Variants in LAMA2 observed in about 807,000 individuals in gnomAD.
LAMA2 encodes laminin subunit alpha 2.
Under a neutral mutation model 364.8 loss-of-function variants are expected in LAMA2, and 269 were observed. That is an observed-to-expected ratio of 0.74 (90% CI 0.67 to 0.82). The LOEUF (loss-of-function observed/expected upper bound fraction) is 0.82. LAMA2 is among the 40% of genes least tolerant of loss of function. The pLI is 0.00. For synonymous variants in LAMA2, 1,379 were observed against 1,370.6 expected, an observed-to-expected ratio of 1.01 and a Z score of -0.14; for missense variants, 3,807 against 3,873.2, an observed-to-expected ratio of 0.98 and a Z score of 0.45.
intron 3 of LAMA2, among the ~76,000 whole-genome samples, chr6:129,097,421 A>G (rs1775252990): frequency 6.6e-6 from 1 of 152,228 alleles, no homozygotes; most frequent in Non-Finnish European, 1.5e-5. Context: ...ATAAATTTGT[A>G]AATAGAGCAT....
At chr6:129,229,392 G>A (rs975576931) in intron 12 of LAMA2, among the ~76,000 whole-genome samples, 3 of 152,158 alleles carry the variant, frequency 2.0e-5, no homozygotes, top group African/African-American at 4.8e-5. Context: ...AATGTGGCTG[G>A]CATGTTCAAA....
At chr6:129,061,829 CAT>C (rs1670561046) in intron 3 of LAMA2, among the ~76,000 whole-genome samples, 1 of 152,184 alleles carries the variant, frequency 6.6e-6, no homozygotes, top group African/African-American at 2.4e-5. Context: ...TGGTACAGAG[CAT>C]ATGTGTTCAA....
chr6:129,184,738 G>A (rs1357579815), intron 10 of LAMA2, among the ~76,000 whole-genome samples: 1 of 151,792 alleles, frequency 6.6e-6, no homozygotes, highest in Non-Finnish European at 1.5e-5. Flanking sequence ...TATTGGGAAT[G>A]GAGGCTAGTT....
intron 55 of LAMA2, 46 bp downstream of exon 55, chr6:129,481,485 T>A: frequency 6.9e-7 from 1 of 1,450,280 alleles, no homozygotes; most frequent in Non-Finnish European, 9.7e-7. Context: ...AATGCTTATA[T>A]AAAGCAGTTA....
chr6:129,071,540 G>A (rs538625271), intron 3 of LAMA2, among the ~76,000 whole-genome samples: 6 of 151,602 alleles, frequency 4.0e-5, no homozygotes, highest in South Asian at 2.1e-4. Context: ...ATTTATTAAC[G>A]CCTACAATTT....
rs141000104 is a variant in LAMA2, at chr6:129,328,280, A to G, written c.4179A>G (p.Ala1393=). ...TAATTGGCTTCCTTTTCTTTCAGGC[A>G]TGCTTGCCGGGATTTTATCGACTGC... The part of the protein sequence containing the change: ...PLGYSGLSCE[A]CLPGFYRLRS... Residue 1393 remains alanine (A), a splice_region_variant and synonymous_variant, in exon 29 of 65, where the codon GCA becomes GCG. Transcript: ENST00000421865. The G allele has an allele frequency of 3.1e-6, 5 of 1,614,014 alleles. No homozygotes were observed. Among genetic ancestry groups the G allele is most frequent in the African/African-American group, 1.3e-5 (1 of 74,924 alleles).
At chr6:129,477,805 C>T (rs888643645) in intron 53 of LAMA2, among the ~76,000 whole-genome samples, 4 of 152,040 alleles carry the variant, frequency 2.6e-5, no homozygotes, top group East Asian at 3.9e-4. Context: ...TATTTTGAGA[C>T]AGGGATCTCA....
chr6:129,174,532 G>A (rs917572504), intron 9 of LAMA2, among the ~76,000 whole-genome samples: 12 of 151,624 alleles, frequency 7.9e-5, no homozygotes, highest in Non-Finnish European at 1.2e-4. Context: ...GGATGTATGC[G>A]TGCATATGTA....
chr6:129,292,901 T>C (rs1362045628), intron 20 of LAMA2: 1 of 985,758 alleles, frequency 1.0e-6, no homozygotes, highest in Non-Finnish European at 1.2e-6. Flanking sequence ...CAGGAAGATG[T>C]GTCTGTAAAT....
chr6:128,958,921 T>C (rs1781311225), intron 1 of LAMA2, among the ~76,000 whole-genome samples: 1 of 152,200 alleles, frequency 6.6e-6, no homozygotes, highest in Non-Finnish European at 1.5e-5. Context: ...TATCTCTTCC[T>C]TTCCTAGTAT....
intron 62 of LAMA2, among the ~76,000 whole-genome samples, chr6:129,511,336 C>T (rs1236969582): frequency 2.0e-5 from 3 of 152,108 alleles, no homozygotes; most frequent in Non-Finnish European, 4.4e-5. Context: ...CCTTACTTCT[C>T]CCTTTCTGTT....
At chr6:129,433,177 G>A (rs1781681677) in intron 41 of LAMA2, among the ~76,000 whole-genome samples, 3 of 152,150 alleles carry the variant, frequency 2.0e-5, no homozygotes, top group Non-Finnish European at 4.4e-5. Context: ...TAAAGGTTCA[G>A]GAAATGATAC....
intron 20 of LAMA2, among the ~76,000 whole-genome samples, chr6:129,293,238 C>T (rs762534053): frequency 3.3e-5 from 5 of 152,168 alleles, no homozygotes; most frequent in South Asian, 4.1e-4. Context: ...AATAACCATC[C>T]GTATGCTTTA....
At chr6:129,094,837 A>G (rs868399794) in intron 3 of LAMA2, among the ~76,000 whole-genome samples, 19 of 152,224 alleles carry the variant, frequency 1.2e-4, no homozygotes, top group African/African-American at 4.6e-4. Flanking sequence ...AAAAGAAACA[A>G]TGGATAACAG....
At chr6:129,497,893 A>G (rs558397496) in intron 58 of LAMA2, among the ~76,000 whole-genome samples, 1 of 152,316 alleles carries the variant, frequency 6.6e-6, no homozygotes, top group South Asian at 2.1e-4. Context: ...TCTTCTCTTT[A>G]TACTTCTCTC....
intron 1 of LAMA2, among the ~76,000 whole-genome samples, chr6:129,046,619 A>C (rs891152569): frequency 3.9e-5 from 6 of 152,304 alleles, no homozygotes; most frequent in Admixed American, 3.9e-4. Flanking sequence ...CAGCCAAACC[A>C]TATCCACCAT....
rs1279775289 is a variant in LAMA2 at position 129,505,323 on chromosome 6, C to G, written c.8671C>G (p.Pro2891Ala). The G allele has an allele frequency of 5.0e-6, 8 of 1,613,696 alleles. 1 individual carries two copies. Among genetic ancestry groups the G allele is most frequent in the Non-Finnish European group, 6.8e-6 (8 of 1,179,746 alleles). ...GGGAATGCTGTATGTTGGTGGGTTA[C>G]CCATCAACTACACTACCCGAAGAAT... is the stretch of plus-strand genomic sequence containing the variant. ...VVGMLYVGGLPINYTTRRIGP... is the reference protein window; with the variant it reads ...VVGMLYVGGLAINYTTRRIGP... Residue 2891 changes from proline (P) to alanine (A), a missense_variant, in exon 61 of 65, where the codon CCC becomes GCC. Around this residue, in one of 3 missense-constraint regions of LAMA2, gnomAD observed 3,333 missense variants for 3,345.7 expected, o/e 1.00. Coordinates refer to ENST00000421865, the MANE Select transcript of LAMA2 (RefSeq NM_000426.4).
At chr6:129,028,676 A>T (rs1786007240) in intron 1 of LAMA2, among the ~76,000 whole-genome samples, 1 of 151,884 alleles carries the variant, frequency 6.6e-6, no homozygotes, top group African/African-American at 2.4e-5. Flanking sequence ...ATGAATCTAT[A>T]TACTGAAAAC....
intron 3 of LAMA2, among the ~76,000 whole-genome samples, chr6:129,070,574 C>T (rs1298238943): frequency 6.6e-6 from 1 of 152,034 alleles, no homozygotes; most frequent in East Asian, 1.9e-4. Context: ...GTCATGATAT[C>T]CTCCAGATTA....
Sources: gnomAD v4.1 joint callset for allele counts (sites outside exome capture counted in the v4.1 genomes callset) on GRCh38, gnomAD v4.1.1 for gene constraint, gnomAD v4.1.1 regional missense constraint, MANE v1.5 for transcripts, NCBI Gene and HGNC (gene_info 2026-07-23, HGNC 2026-07-21) for gene names.